Variants in LIN7A observed in about 807,000 individuals in gnomAD.
LIN7A encodes the protein lin-7 cell polarity scaffold A.
LIN7A carries 25 observed loss-of-function variants against 29.8 expected under a neutral mutation model. That is an observed-to-expected ratio of 0.84 (90% CI 0.61 to 1.17). The LOEUF is 1.17. LIN7A is among the 50% of genes most tolerant of loss of function. The pLI is 0.00. For missense variants in LIN7A, 239 were observed against 287.0 expected (o/e 0.83, Z 1.21); for synonymous variants, 118 against 107.5 (o/e 1.10, Z -0.60).
At chr12:80,845,657 C>T in intron 4 of LIN7A, 73 bp downstream of exon 4, 1 of 1,206,398 alleles carries the variant, frequency 8.3e-7, no homozygotes, top group Admixed American at 2.2e-5. Context: ...TCAACGTTGA[C>T]TTCAGTAATA....
chr12:80,841,926 A>G, intron 4 of LIN7A: 1 of 1,055,428 alleles, frequency 9.5e-7, no homozygotes, highest in Non-Finnish European at 1.2e-6. Flanking sequence ...TTCAGTTGTA[A>G]GGTTTCACTG....
intron 1 of LIN7A, among the ~76,000 whole-genome samples, chr12:80,904,901 T>A (rs1876395055): frequency 6.6e-6 from 1 of 152,188 alleles, no homozygotes; most frequent in Admixed American, 6.5e-5. Context: ...GTACATGAGA[T>A]CAGGTGTGGA....
chr12:80,843,346 AG>A (rs756340503), intron 4 of LIN7A, among the ~76,000 whole-genome samples: 1 of 152,160 alleles, frequency 6.6e-6, no homozygotes, highest in Non-Finnish European at 1.5e-5. Context: ...GCTGAATATA[AG>A]GGTAACAAAG....
At chr12:80,867,875 T>G (rs1874222981) in intron 2 of LIN7A, among the ~76,000 whole-genome samples, 1 of 152,226 alleles carries the variant, frequency 6.6e-6, no homozygotes. Flanking sequence ...ACCCATCTCC[T>G]TAATACACAG....
At chr12:80,902,217 G>GGTTTTTTTTTTTTTTTTTT (rs1876251078) in intron 1 of LIN7A, among the ~76,000 whole-genome samples, 1 of 125,644 alleles carries the variant, frequency 8.0e-6, no homozygotes, top group African/African-American at 3.1e-5. Flanking sequence ...TGGTCTATGT[G>GGTTTTTTTTTTTTTTTTTT]TTTTTTTTTT....
Position 80,924,133 on chromosome 12 carries a change from C to T in LIN7A, c.82+13508G>A, listed in dbSNP as rs117657785. Among the ~76,000 whole-genome samples the T allele has an allele frequency of 1.2e-3, 183 of 152,282 alleles. 2 individuals carry two copies. In the East Asian group the frequency reaches 0.031, roughly 26 times the overall value. ...ATATTAGCTCTTTCCCTAGCCCTGC[C>T]TTGGTACTGGGCACTCATTAGGCTA... On this transcript the variant is annotated intron_variant, in intron 1 of 5. Transcript: ENST00000552864.
chr12:80,848,190 C>T (rs772161832), intron 3 of LIN7A, 61 bp downstream of exon 3: 81 of 1,217,872 alleles, frequency 6.7e-5, no homozygotes, highest in South Asian at 3.1e-4. Context: ...AACACACACG[C>T]GCACAATCAA....
chr12:80,832,835 A>G (rs1203568215), intron 4 of LIN7A, among the ~76,000 whole-genome samples: 1 of 152,178 alleles, frequency 6.6e-6, no homozygotes, highest in African/African-American at 2.4e-5. Flanking sequence ...AATTTAGTTT[A>G]AGATAGTGAT....
chr12:80,921,578 T>A lies in LIN7A; in HGVS notation c.82+16063A>T, dbSNP rs61587396. On this transcript the variant is annotated intron_variant, in intron 1 of 5. Transcript: ENST00000552864. ...TTGGGGAGGGTGGGAGGGAGCATGC[T>A]CTGCTCTCCTCTTCTTAGAAGGCTA... is the stretch of plus-strand genomic sequence containing the variant. Among the ~76,000 whole-genome samples, 1,204 of 151,492 alleles carry A rather than the reference T, an allele frequency of 7.9e-3. 12 individuals are homozygous for A. Among genetic ancestry groups the A allele is most frequent in the African/African-American group, 0.024 (980 of 41,018 alleles).
At position 80,796,831 on chromosome 12, in the gene LIN7A, A is replaced by T. The variant is rs948982100; in HGVS notation, c.*896T>A. ...TCAAAAAGTATAAAACTCAAAAAAT[A>T]TTGAGAGTGGGTTTATGTATATAAC... On this transcript the variant is annotated 3_prime_UTR_variant, in exon 6 of 6. Coordinates refer to ENST00000552864, the MANE Select transcript of LIN7A (RefSeq NM_004664.4). 6.6e-6 allele frequency: 1 copy of T among 152,168 alleles called. No individual in the cohort carries two copies. Among genetic ancestry groups the T allele is most frequent in the Non-Finnish European group, 1.5e-5 (1 of 68,018 alleles). 9.4% of individuals were successfully genotyped at this position (152,168 alleles called of 1,614,324 possible).
At chr12:80,829,271 T>G (rs111287720) in intron 4 of LIN7A, among the ~76,000 whole-genome samples, 2,458 of 152,258 alleles carry the variant, frequency 0.016, 51 homozygotes, top group African/African-American at 0.056. Context: ...AATTTACAGA[T>G]GTAGAAGTAT....
intron 1 of LIN7A, among the ~76,000 whole-genome samples, chr12:80,907,856 TA>T (rs1022507496): frequency 6.6e-6 from 1 of 152,106 alleles, no homozygotes; most frequent in African/African-American, 2.4e-5. Flanking sequence ...AAGAATTATT[TA>T]AAAGTGTTCT....
At chr12:80,893,956 G>A (rs1241996023) in intron 1 of LIN7A, among the ~76,000 whole-genome samples, 1 of 152,190 alleles carries the variant, frequency 6.6e-6, no homozygotes, top group African/African-American at 2.4e-5. Context: ...AGTTCCTCCA[G>A]CCAGGCCTAG....
At position 80,830,917 on chromosome 12, in the gene LIN7A, G is replaced by A. The variant is rs142769374; in HGVS notation, c.483+14813C>T. Among the ~76,000 whole-genome samples the A allele has an allele frequency of 2.5e-3, 378 of 152,160 alleles. 2 individuals are homozygous for A. Among genetic ancestry groups the A allele is most frequent in the African/African-American group, 8.6e-3 (356 of 41,490 alleles). ...CCCCTTAACTGAGGCTACTCTGACC[G>A]GCACCACACTCTCCCTGCCATAGCA... On this transcript the variant is annotated intron_variant, in intron 4 of 5. Transcript: ENST00000552864.
At chr12:80,872,308 T>A (rs187718037) in intron 2 of LIN7A, among the ~76,000 whole-genome samples, 154 of 152,256 alleles carry the variant, frequency 1.0e-3, no homozygotes, top group African/African-American at 3.5e-3. Context: ...CTCCCTCAGC[T>A]ATAATGATGA....
intron 4 of LIN7A, among the ~76,000 whole-genome samples, chr12:80,815,303 C>A (rs1250684672): frequency 1.3e-5 from 2 of 152,040 alleles, no homozygotes; most frequent in Admixed American, 1.3e-4. Context: ...GAAATCAAAC[C>A]ATCTTGCCAC....
rs1873046022 is a variant in LIN7A at position 80,845,787 on chromosome 12, C to A, written c.426G>T (p.Val142=). 2 of 1,613,848 alleles carry A rather than the reference C, an allele frequency of 1.2e-6. No individual in the cohort carries two copies. Among genetic ancestry groups the A allele is most frequent in the Non-Finnish European group, 1.7e-6 (2 of 1,179,934 alleles). ...TTTTGAGGCCTCCGTGTCTTTCAGC[C>A]ACCCCTCCAGGAATTATGCGAGAGA... The part of the protein sequence containing the change: ...IYISRIIPGG[V]AERHGGLKRG... Residue 142 remains valine (V), a synonymous_variant, in exon 4 of 6, where the codon GTG becomes GTT. Coordinates refer to ENST00000552864, the MANE Select transcript of LIN7A (RefSeq NM_004664.4).
In LIN7A at chr12:80,830,916, C is replaced by A. The variant is rs538331568; in HGVS notation, c.483+14814G>T. On this transcript the variant is annotated intron_variant, in intron 4 of 5. Transcript: ENST00000552864. ...ACCCCTTAACTGAGGCTACTCTGAC[C>A]GGCACCACACTCTCCCTGCCATAGC... 2.6e-5 allele frequency among the ~76,000 whole-genome samples: 4 copies of A among 152,092 alleles called. No homozygotes were observed. The South Asian group carries it at 6.2e-4, about 24-fold the overall frequency.
At chr12:80,808,044 T>A (rs1871125356) in intron 5 of LIN7A, among the ~76,000 whole-genome samples, 1 of 152,188 alleles carries the variant, frequency 6.6e-6, no homozygotes, top group African/African-American at 2.4e-5. Context: ...TGTGACCTGG[T>A]CCCCAGCTAT....
Sources: gnomAD v4.1 joint callset for allele counts (sites outside exome capture counted in the v4.1 genomes callset) on GRCh38, gnomAD v4.1.1 for gene constraint, MANE v1.5 for transcripts, NCBI Gene and HGNC (gene_info 2026-07-23, HGNC 2026-07-21) for gene names.